Variants in MAP6 observed in about 807,000 individuals in gnomAD.
The protein encoded by MAP6 is microtubule associated protein 6.
In MAP6, 26 loss-of-function variants were observed where a neutral mutation model predicts 42.4. That is an observed-to-expected ratio of 0.61 (90% CI 0.45 to 0.85). The LOEUF (loss-of-function observed/expected upper bound fraction) is 0.85, where lower values mean the gene tolerates loss of function less well. MAP6 is among the 40% of genes least tolerant of loss of function. The pLI, the probability that MAP6 is intolerant of heterozygous loss-of-function variation, is 0.00. For synonymous variants in MAP6, 418 were observed against 443.8 expected, an observed-to-expected ratio of 0.94 and a Z score of 0.73; for missense variants, 966 against 1,099.0, an observed-to-expected ratio of 0.88 and a Z score of 1.71.
chr11:75,625,172 A>G (rs1943175521), intron 1 of MAP6, among the ~76,000 whole-genome samples: 1 of 152,162 alleles, frequency 6.6e-6, no homozygotes, highest in Non-Finnish European at 1.5e-5. Flanking sequence ...AGCATTCATA[A>G]GAAGATCATC....
intron 1 of MAP6, among the ~76,000 whole-genome samples, chr11:75,618,991 G>C (rs942745622): frequency 6.6e-6 from 1 of 152,226 alleles, no homozygotes; most frequent in Non-Finnish European, 1.5e-5. Flanking sequence ...CTGAGGGGGA[G>C]TGGGTGGGAG....
intron 1 of MAP6, among the ~76,000 whole-genome samples, chr11:75,640,418 T>G (rs1943445865): frequency 6.6e-6 from 1 of 152,208 alleles, no homozygotes; most frequent in Non-Finnish European, 1.5e-5. Flanking sequence ...TTAAGGAGTT[T>G]CATTTTTCTG....
intron 3 of MAP6, among the ~76,000 whole-genome samples, chr11:75,591,491 G>T (rs1379582391): frequency 6.6e-6 from 1 of 152,072 alleles, no homozygotes; most frequent in African/African-American, 2.4e-5. Context: ...CACCTCCTCC[G>T]TGAGGCTGGT....
At position 75,667,983 on chromosome 11, in the gene MAP6, C is replaced by T; in HGVS notation, c.387G>A (p.Lys129=). ...GGCAGCTGGGCTCGGGCCGCTGCAC[C>T]TTCCAGGCTCGGTAATCCTGCCGCA... The part of the protein sequence containing the change: ...SVMRQDYRAW[K]VQRPEPSCRP... Residue 129 remains lysine (K), a synonymous_variant, in exon 1 of 4, where the codon AAG becomes AAA. Transcript: ENST00000304771. The surrounding 1 kb of genome is among the most constrained non-coding windows in gnomAD (Gnocchi z 5.6). 1 of 1,267,878 alleles carries T rather than the reference C, an allele frequency of 7.9e-7. No homozygotes were observed. Among genetic ancestry groups the T allele is most frequent in the Non-Finnish European group, 1.0e-6 (1 of 1,003,960 alleles). 78.5% of individuals were successfully genotyped at this position (1,267,878 alleles called of 1,614,324 possible).
At chr11:75,612,977 A>T (rs1288015703) in intron 1 of MAP6, among the ~76,000 whole-genome samples, 1 of 152,134 alleles carries the variant, frequency 6.6e-6, no homozygotes. Context: ...GATAAGACAA[A>T]ATTTATGACA....
intron 1 of MAP6, among the ~76,000 whole-genome samples, chr11:75,653,763 T>C: frequency 6.6e-6 from 1 of 152,136 alleles, no homozygotes; most frequent in Middle Eastern, 3.2e-3. Context: ...ACTAAAAAAA[T>C]ACACATAGAA....
At chr11:75,603,745 T>A (rs1048582952) in intron 3 of MAP6, 18 of 984,850 alleles carry the variant, frequency 1.8e-5, no homozygotes, top group Non-Finnish European at 2.2e-5. Flanking sequence ...CCACCACGCC[T>A]AGCACAGTGC....
At position 75,617,497 on chromosome 11, in the gene MAP6, CAG is replaced by C. The variant is rs564778850; in HGVS notation, c.906-9177_906-9176del. On this transcript the variant is annotated intron_variant, in intron 1 of 3. Coordinates refer to ENST00000304771, the MANE Select transcript of MAP6 (RefSeq NM_033063.2). ...TGCCTCTGTGCTGCAGTCTGGGCAA[CAG>C]AGCAAGACTGTCTCCAAAAAAAAAA... Among the ~76,000 whole-genome samples the C allele has an allele frequency of 9.8e-5, 10 of 101,898 alleles. No individual in the cohort carries two copies. The South Asian group carries it at 3.1e-3, about 32-fold the overall frequency. 66.8% of individuals were successfully genotyped at this position (101,898 alleles called of 152,430 possible).
In MAP6 at chr11:75,616,029, T is replaced by C. The variant is rs1457159680; in HGVS notation, c.906-7707A>G. 2.6e-5 allele frequency among the ~76,000 whole-genome samples: 4 copies of C among 152,162 alleles called. No homozygotes were observed. In the East Asian group the frequency reaches 5.8e-4, roughly 22 times the overall value. Reference sequence around the variant, plus strand: ...GAACAGAGGGGAGGCTGTGCTTTCATTGCTAATTTGAAAAACGCTGACATT... The same window carrying C: ...GAACAGAGGGGAGGCTGTGCTTTCACTGCTAATTTGAAAAACGCTGACATT... On this transcript the variant is annotated intron_variant, in intron 1 of 3. Coordinates refer to ENST00000304771, the MANE Select transcript of MAP6 (RefSeq NM_033063.2).
At chr11:75,659,707 T>C (rs1943810451) in intron 1 of MAP6, among the ~76,000 whole-genome samples, 1 of 152,234 alleles carries the variant, frequency 6.6e-6, no homozygotes, top group Non-Finnish European at 1.5e-5. Context: ...AGCTCACCTA[T>C]TTACATTAAT....
intron 1 of MAP6, among the ~76,000 whole-genome samples, chr11:75,616,709 C>T (rs1253368643): frequency 2.0e-5 from 3 of 152,142 alleles, no homozygotes; most frequent in Non-Finnish European, 2.9e-5. Context: ...ATGACTGGGC[C>T]GAGAGAGGAG....
chr11:75,623,299 C>T (rs1351759721), intron 1 of MAP6, among the ~76,000 whole-genome samples: 2 of 152,120 alleles, frequency 1.3e-5, no homozygotes, highest in African/African-American at 2.4e-5. Context: ...ACAGAAAGAT[C>T]AGTGGTTGCC....
In MAP6 at chr11:75,653,264, C is replaced by A. The variant is rs78304517; in HGVS notation, c.905+14201G>T. ...GCCCAGGCTCTGTCTGCAAGGAAAG[C>A]AAGCTGAATGGACTTTCTTGTACAT... On this transcript the variant is annotated intron_variant, in intron 1 of 3. Transcript: ENST00000304771. Among the ~76,000 whole-genome samples, 614 of 152,296 alleles carry A rather than the reference C, an allele frequency of 4.0e-3. 3 individuals carry two copies. The highest frequency in any genetic ancestry group is 0.014 in the African/African-American group (594 of 41,550).
At position 75,668,501 on chromosome 11, in the gene MAP6, C is replaced by T; in HGVS notation, c.-132G>A. The T allele has an allele frequency of 7.6e-7, 1 of 1,309,974 alleles. No individual in the cohort carries two copies. The allele number at this position is 1,309,974 out of a possible 1,614,324, so 81.1% of individuals were successfully genotyped here. A position where few individuals can be genotyped will look rare whatever the true frequency, so the allele number is the denominator to read the frequency against. On this transcript the variant is annotated 5_prime_UTR_variant, in exon 1 of 4. Coordinates refer to ENST00000304771, the MANE Select transcript of MAP6 (RefSeq NM_033063.2). The stretch of plus-strand genomic sequence containing the variant: ...GTTTTCTACCCCCGATCAGCCGGAG[C>T]TAGTTCGCCCTCCTCCCTCAGCGAG...
chr11:75,667,413 CG>C lies in MAP6; in HGVS notation c.905+51del. ...GGGATCCTGGGCCCCGGGCAGCCCGCGGGGAGGGTCTGCGTGGTGACTCCCC... is the reference window on the plus strand; with the variant it reads ...GGGATCCTGGGCCCCGGGCAGCCCGCGGGAGGGTCTGCGTGGTGACTCCCC... On this transcript the variant is annotated intron_variant, in intron 1 of 3. Transcript: ENST00000304771. The surrounding 1 kb of genome is among the most constrained non-coding windows in gnomAD (Gnocchi z 5.6). 1 of 1,381,488 alleles carries C rather than the reference CG, an allele frequency of 7.2e-7. No individual in the cohort carries two copies. The highest frequency in any genetic ancestry group is 9.4e-7 in the Non-Finnish European group (1 of 1,067,696). The allele number at this position is 1,381,488 out of a possible 1,614,324, so 85.6% of individuals were successfully genotyped here.
At chr11:75,640,495 A>G (rs1943448341) in intron 1 of MAP6, among the ~76,000 whole-genome samples, 1 of 152,310 alleles carries the variant, frequency 6.6e-6, no homozygotes, top group African/African-American at 2.4e-5. Context: ...GCATAATAAC[A>G]ATCTCAGAAG....
chr11:75,603,748 C>G (rs768000305), intron 3 of MAP6: 46 of 985,090 alleles, frequency 4.7e-5, no homozygotes, highest in Non-Finnish European at 5.5e-5. Flanking sequence ...CCACGCCTAG[C>G]ACAGTGCCTG....
chr11:75,638,201 G>T (rs1943404317), intron 1 of MAP6, among the ~76,000 whole-genome samples: 1 of 152,162 alleles, frequency 6.6e-6, no homozygotes, highest in South Asian at 2.1e-4. Context: ...AGCAATCCTG[G>T]TGGCTGTTAC....
chr11:75,662,403 G>A (rs1943868358), intron 1 of MAP6, among the ~76,000 whole-genome samples: 2 of 152,292 alleles, frequency 1.3e-5, no homozygotes, highest in East Asian at 3.9e-4. Flanking sequence ...AAATATAAGT[G>A]AAGAACATAA....
Sources: gnomAD v4.1 joint callset for allele counts (sites outside exome capture counted in the v4.1 genomes callset) on GRCh38, gnomAD v4.1.1 for gene constraint, Gnocchi (gnomAD v3.1) non-coding constraint, MANE v1.5 for transcripts, NCBI Gene and HGNC (gene_info 2026-07-23, HGNC 2026-07-21) for gene names.